Variants in DAPK1 observed in about 807,000 individuals in gnomAD.
DAPK1 encodes death associated protein kinase 1, also known as death-associated protein kinase 1.
In DAPK1, 56 loss-of-function variants were observed where a neutral mutation model predicts 144.9. The ratio of observed to expected loss-of-function variants is 0.39; its 90% confidence interval spans 0.31 to 0.48. The LOEUF is 0.48. Ranked by LOEUF, DAPK1 falls within the 20% of genes least tolerant of loss-of-function variation. The pLI is 0.95. For synonymous variants in DAPK1, 690 were observed against 749.0 expected (o/e 0.92, Z 1.29); for missense variants, 1,454 against 1,875.4 (o/e 0.78, Z 4.15).
chr9:87,497,951 C>G lies in DAPK1; in HGVS notation c.-265C>G. On this transcript the variant is annotated 5_prime_UTR_variant, in exon 1 of 26. Coordinates refer to ENST00000408954, the MANE Select transcript of DAPK1 (RefSeq NM_004938.4). ...GCGGAGGGGACTCGGCAACTCGCAG[C>G]GGCAGGGTCTGGGGCCGGCGCCTGG... 1 of 396,770 alleles carries G rather than the reference C, an allele frequency of 2.5e-6. No homozygotes were observed. Among genetic ancestry groups the G allele is most frequent in the Middle Eastern group, 6.3e-4 (1 of 1,588 alleles). The allele number at this position is 396,770 out of a possible 1,614,324, so 24.6% of individuals were successfully genotyped here. A position where few individuals can be genotyped will look rare whatever the true frequency, so the allele number is the denominator to read the frequency against.
intron 2 of DAPK1, among the ~76,000 whole-genome samples, chr9:87,569,005 G>A (rs34942260): frequency 0.22 from 33,947 of 152,092 alleles, 4,450 homozygotes; most frequent in Non-Finnish European, 0.31. Context: ...GGTGTGGGGC[G>A]AGGCAGATTC....
chr9:87,555,728 C>T (rs1033151203), intron 2 of DAPK1, among the ~76,000 whole-genome samples: 13 of 152,194 alleles, frequency 8.5e-5, no homozygotes, highest in African/African-American at 2.9e-4. Context: ...GTCTCGAACT[C>T]CCGACCTCAG....
chr9:87,548,911 T>C (rs1460245200), intron 2 of DAPK1, among the ~76,000 whole-genome samples: 5 of 124,374 alleles, frequency 4.0e-5, no homozygotes, highest in Admixed American at 3.8e-4. Context: ...TGGATTTCAT[T>C]CCTTTTTTTT....
At chr9:87,620,189 G>A (rs867912418) in intron 3 of DAPK1, among the ~76,000 whole-genome samples, 1 of 152,222 alleles carries the variant, frequency 6.6e-6, no homozygotes, top group Non-Finnish European at 1.5e-5. Context: ...CCCTCCGCTC[G>A]TGCCCCTCCT....
intron 2 of DAPK1, among the ~76,000 whole-genome samples, chr9:87,588,928 G>A (rs1828030700): frequency 1.3e-5 from 2 of 151,930 alleles, no homozygotes; most frequent in Admixed American, 6.6e-5. Context: ...TGCTCTTGTT[G>A]CCCAGGCTGG....
chr9:87,566,229 G>A (rs947821451), intron 2 of DAPK1, among the ~76,000 whole-genome samples: 1 of 151,952 alleles, frequency 6.6e-6, no homozygotes, highest in African/African-American at 2.4e-5. Context: ...CACCATGTTA[G>A]CCAGGATAAT....
intron 2 of DAPK1, chr9:87,525,303 T>C: frequency 6.2e-7 from 1 of 1,607,216 alleles, no homozygotes; most frequent in East Asian, 2.2e-5. Flanking sequence ...GAGAGCAAGA[T>C]GGGTCACCAG....
intron 2 of DAPK1, among the ~76,000 whole-genome samples, chr9:87,571,476 A>ACCCCCACACACACAC (rs771023885): frequency 2.1e-5 from 1 of 48,548 alleles, no homozygotes; most frequent in Non-Finnish European, 3.7e-5. Context: ...CACACACACC[A>ACCCCCACACACACAC]ACACACACAC....
At chr9:87,657,184 A>G (rs1830656262) in intron 17 of DAPK1, among the ~76,000 whole-genome samples, 1 of 152,224 alleles carries the variant, frequency 6.6e-6, no homozygotes, top group Non-Finnish European at 1.5e-5. Context: ...ACAACTTAGT[A>G]ACCGCTTATG....
rs778168639 is a variant in DAPK1, at chr9:87,706,607, G to A, written c.3536G>A (p.Arg1179His). ...LWVNGCKLAN[R>H]GAELLVLLVN... Reference sequence around the variant, plus strand: ...GTGAATGGCTGCAAGCTGGCCAACCGTGGGGCCGAGCTGCTGGTGCTGCTG... The same window carrying A: ...GTGAATGGCTGCAAGCTGGCCAACCATGGGGCCGAGCTGCTGGTGCTGCTG... Residue 1179 changes from arginine to histidine, a missense_variant, in exon 26 of 26, where the codon CGT becomes CAT. This residue lies in a region of DAPK1 where 1,025 missense variants were observed against 1,237.9 expected (regional missense o/e 0.83). Transcript: ENST00000408954. The surrounding 1 kb of genome is among the most constrained non-coding windows in gnomAD (Gnocchi z 9.0). 4.6e-5 allele frequency: 75 copies of A among 1,613,282 alleles called. No individual in the cohort carries two copies. Among genetic ancestry groups the A allele is most frequent in the Non-Finnish European group, 5.8e-5 (68 of 1,179,850 alleles).
At chr9:87,694,299 G>T (rs1244152775) in intron 21 of DAPK1, among the ~76,000 whole-genome samples, 1 of 152,168 alleles carries the variant, frequency 6.6e-6, no homozygotes, top group Non-Finnish European at 1.5e-5. Context: ...GGATGGGCGT[G>T]ACCTCAGGCC....
chr9:87,611,455 T>C (rs1368076027), intron 3 of DAPK1, among the ~76,000 whole-genome samples: 6 of 152,118 alleles, frequency 3.9e-5, no homozygotes, highest in African/African-American at 1.4e-4. Flanking sequence ...CAGCTCAGAA[T>C]TGACTTTTTG....
At chr9:87,674,033 C>T (rs1044490564) in intron 19 of DAPK1, among the ~76,000 whole-genome samples, 1 of 152,150 alleles carries the variant, frequency 6.6e-6, no homozygotes, top group African/African-American at 2.4e-5. Context: ...GGAGGGACCC[C>T]TTCTATGGGA....
rs144128923 is a variant in DAPK1 at position 87,665,699 on chromosome 9, A to T, written c.1924-2898A>T. On this transcript the variant is annotated intron_variant, in intron 18 of 25. Transcript: ENST00000408954. The stretch of plus-strand genomic sequence containing the variant: ...GGCCTGTGGGGCTCCGGCTTCTTGA[A>T]CACAATAAGTGAAGTGGCCTTTCAC... 9.8e-3 allele frequency among the ~76,000 whole-genome samples: 1,489 copies of T among 152,302 alleles called. 15 individuals carry two copies. Among genetic ancestry groups the T allele is most frequent in the Middle Eastern group, 0.02 (6 of 294 alleles).
intron 19 of DAPK1, among the ~76,000 whole-genome samples, chr9:87,673,340 C>A (rs552557093): frequency 6.6e-6 from 1 of 152,122 alleles, no homozygotes; most frequent in Non-Finnish European, 1.5e-5. Context: ...TCCAAATGGG[C>A]CAATTGAGCA....
intron 3 of DAPK1, among the ~76,000 whole-genome samples, chr9:87,608,214 G>T (rs1049521693): frequency 6.6e-6 from 1 of 152,180 alleles, no homozygotes; most frequent in African/African-American, 2.4e-5. Context: ...TATCACTACT[G>T]TTTTGTTGTT....
At chr9:87,547,076 A>G (rs1481989431) in intron 2 of DAPK1, among the ~76,000 whole-genome samples, 3 of 152,126 alleles carry the variant, frequency 2.0e-5, no homozygotes, top group Non-Finnish European at 2.9e-5. Flanking sequence ...AGGATGCTTT[A>G]AGCCTGGGAG....
At chr9:87,515,764 G>A (rs1825027267) in intron 2 of DAPK1, among the ~76,000 whole-genome samples, 1 of 152,190 alleles carries the variant, frequency 6.6e-6, no homozygotes, top group African/African-American at 2.4e-5. Flanking sequence ...ATCAACAAAG[G>A]GGACCACGTG....
At chr9:87,660,285 G>A (rs992369309) in intron 18 of DAPK1, among the ~76,000 whole-genome samples, 21 of 152,168 alleles carry the variant, frequency 1.4e-4, no homozygotes, top group Admixed American at 5.2e-4. Context: ...GGAGGGTTCC[G>A]CAGGGCCGGG....
Sources: allele counts gnomAD v4.1 joint callset (sites outside exome capture counted in the v4.1 genomes callset), GRCh38; gene constraint gnomAD v4.1.1; regional missense constraint gnomAD v4.1.1; non-coding constraint Gnocchi (gnomAD v3.1); transcripts MANE v1.5; gene names NCBI Gene and HGNC (gene_info 2026-07-23, HGNC 2026-07-21).